The following PPFIBP1 variants were observed in gnomAD, a reference collection of about 807,000 sequenced individuals.
PPFIBP1 encodes liprin-beta-1.
PPFIBP1 carries 112 observed loss-of-function variants against 137.8 expected under a neutral mutation model. The ratio of observed to expected loss-of-function variants is 0.81; its 90% confidence interval spans 0.70 to 0.95. The LOEUF (loss-of-function observed/expected upper bound fraction) is 0.95, where lower values mean the gene tolerates loss of function less well. PPFIBP1 is among the 40% of genes least tolerant of loss of function. PPFIBP1 has a pLI of 0.00. For missense variants in PPFIBP1, 1,083 were observed against 1,196.6 expected, an observed-to-expected ratio of 0.91 and a Z score of 1.40; for synonymous variants, 378 against 417.3, an observed-to-expected ratio of 0.91 and a Z score of 1.15.
At chr12:27,631,921 A>T (rs1429534473) in intron 2 of PPFIBP1, among the ~76,000 whole-genome samples, 2 of 152,198 alleles carry the variant, frequency 1.3e-5, no homozygotes, top group Non-Finnish European at 2.9e-5. Context: ...ACACATATAT[A>T]AGTGGTTATT....
In PPFIBP1 at chr12:27,593,769, G is replaced by A. The variant is rs2052831564; in HGVS notation, c.-36+15530G>A. On this transcript the variant is annotated intron_variant, in intron 2 of 29. Transcript: ENST00000228425. ...GTCAGAGCCAACGTCCATGTCCCAG[G>A]CCAGGAAGATGTTCAGTTTGCAAAA... 7.8e-6 allele frequency: 6 copies of A among 772,490 alleles called. No individual in the cohort carries two copies. In the Admixed American group the frequency reaches 1.6e-4, roughly 20 times the overall value. The allele number at this position is 772,490 out of a possible 1,614,324, so 47.9% of individuals were successfully genotyped here. A position where few individuals can be genotyped will look rare whatever the true frequency, so the allele number is the denominator to read the frequency against.
intron 1 of PPFIBP1, among the ~76,000 whole-genome samples, chr12:27,534,363 T>TTTA (rs1944750892): frequency 6.6e-6 from 1 of 152,028 alleles, no homozygotes; most frequent in South Asian, 2.1e-4. Context: ...GATTTATCAG[T>TTTA]AGAGTAAGAA....
intron 1 of PPFIBP1, among the ~76,000 whole-genome samples, chr12:27,535,711 TA>T (rs1407738171): frequency 1.3e-4 from 20 of 152,224 alleles, no homozygotes; most frequent in African/African-American, 4.6e-4. Context: ...ATGCTGGCTT[TA>T]AATGAAAATA....
chr12:27,538,036 A>G (rs547053059), intron 1 of PPFIBP1: 99 of 152,164 alleles, frequency 6.5e-4, no homozygotes, highest in African/African-American at 2.3e-3. Context: ...TCGCCTGGCT[A>G]TTATTACCAC....
intron 1 of PPFIBP1, among the ~76,000 whole-genome samples, chr12:27,543,879 G>A (rs1215475973): frequency 1.8e-5 from 1 of 55,684 alleles, no homozygotes; most frequent in Non-Finnish European, 3.4e-5. Context: ...CCCCGCCCCT[G>A]CTTTTTTTTT....
chr12:27,599,351 C>T (rs2053696504), intron 2 of PPFIBP1: 2 of 416,686 alleles, frequency 4.8e-6, no homozygotes, highest in South Asian at 3.5e-5. Context: ...TGGAATCAGA[C>T]TGGCACTTAC....
At chr12:27,531,303 A>T (rs932258211) in intron 1 of PPFIBP1, among the ~76,000 whole-genome samples, 4 of 150,996 alleles carry the variant, frequency 2.6e-5, no homozygotes, top group East Asian at 1.9e-4. Context: ...AATTATTATT[A>T]TTTTTTTTTG....
At position 27,693,055 on chromosome 12, in the gene PPFIBP1, C is replaced by A; in HGVS notation, c.*173C>A. ...TAATGTGCCGATTCTGAAGTTGCCA[C>A]AAAAAATAAGACACTGGTGAATGAG... On this transcript the variant is annotated 3_prime_UTR_variant, in exon 30 of 30. Transcript: ENST00000228425. 2.9e-6 allele frequency: 3 copies of A among 1,021,510 alleles called. No homozygotes were observed. The highest frequency in any genetic ancestry group is 4.0e-6 in the Non-Finnish European group (3 of 746,142). The allele number at this position is 1,021,510 out of a possible 1,614,324, so 63.3% of individuals were successfully genotyped here. A position where few individuals can be genotyped will look rare whatever the true frequency, so the allele number is the denominator to read the frequency against.
chr12:27,680,037 C>T lies in PPFIBP1; in HGVS notation c.1871C>T (p.Ser624Phe), dbSNP rs369476664. The change falls in exon 21 of 30, where the codon TCT becomes TTT. Residue 624 changes from serine (S) to phenylalanine (F), a missense_variant. Transcript: ENST00000228425. The stretch of plus-strand genomic sequence containing the variant: ...ACCGCGGGGCCCCGATTAGGTTGGT[C>T]TCGAGACTTGGGACAGTCTAACAGG... Reference protein sequence around the residue: ...RATAGPRLGWSRDLGQSNSDL... With the variant: ...RATAGPRLGWFRDLGQSNSDL... The T allele has an allele frequency of 5.6e-6, 9 of 1,613,964 alleles. No individual in the cohort carries two copies. The African/African-American group carries it at 1.1e-4, about 19-fold the overall frequency.
Position 27,614,316 on chromosome 12 carries a change from C to T in PPFIBP1, c.-35-19046C>T, listed in dbSNP as rs750957576. 8.4e-4 allele frequency among the ~76,000 whole-genome samples: 128 copies of T among 152,082 alleles called. 2 individuals are homozygous for T. The highest frequency in any genetic ancestry group is 4.4e-4 in the Non-Finnish European group (30 of 68,002). Reference sequence around the variant, plus strand: ...ATCACTTAAGCCCAGGAGGTTGAGGCTGCAGTGAGCCGTGCGTGATTGGGC... The same window carrying T: ...ATCACTTAAGCCCAGGAGGTTGAGGTTGCAGTGAGCCGTGCGTGATTGGGC... On this transcript the variant is annotated intron_variant, in intron 2 of 29. Coordinates refer to ENST00000228425, the MANE Select transcript of PPFIBP1 (RefSeq NM_003622.4).
intron 1 of PPFIBP1, among the ~76,000 whole-genome samples, chr12:27,560,859 G>A (rs1263520108): frequency 6.6e-6 from 1 of 152,138 alleles, no homozygotes; most frequent in Admixed American, 6.5e-5. Flanking sequence ...AATATCCTAT[G>A]TACTAAACTT....
At chr12:27,630,095 T>C (rs2057155001) in intron 2 of PPFIBP1, among the ~76,000 whole-genome samples, 1 of 152,108 alleles carries the variant, frequency 6.6e-6, no homozygotes, top group South Asian at 2.1e-4. Flanking sequence ...GAGTTTTTTT[T>C]CCTACCTTAC....
At chr12:27,681,830 A>G in intron 22 of PPFIBP1, 134 bp downstream of exon 22, 1 of 951,790 alleles carries the variant, frequency 1.1e-6, no homozygotes, top group Non-Finnish European at 1.5e-6. Flanking sequence ...TTGGGTTTTC[A>G]ATTGCTTCAT....
chr12:27,626,746 A>T (rs148391617), intron 2 of PPFIBP1, among the ~76,000 whole-genome samples: 1 of 152,018 alleles, frequency 6.6e-6, no homozygotes, highest in Non-Finnish European at 1.5e-5. Flanking sequence ...TTTTATTTTT[A>T]GTAGAGGTGG....
chr12:27,619,461 T>A (rs2056119297), intron 2 of PPFIBP1, among the ~76,000 whole-genome samples: 1 of 152,234 alleles, frequency 6.6e-6, no homozygotes. Context: ...GAGGGCTGGC[T>A]GTATTTCATC....
intron 1 of PPFIBP1, among the ~76,000 whole-genome samples, chr12:27,535,150 T>C (rs1476974624): frequency 6.6e-6 from 1 of 152,204 alleles, no homozygotes; most frequent in Non-Finnish European, 1.5e-5. Context: ...TGAAAATGTG[T>C]GACCCCTTAT....
intron 26 of PPFIBP1, 93 bp from the exon 27 acceptor site, chr12:27,688,922 C>A (rs2061352963): frequency 7.9e-7 from 1 of 1,270,094 alleles, no homozygotes; most frequent in Admixed American, 2.3e-5. Flanking sequence ...TTGGAGATAA[C>A]CTAAGAGAAA....
At chr12:27,549,288 G>T (rs753979214) in intron 1 of PPFIBP1, 2 of 150,368 alleles carry the variant, frequency 1.3e-5, no homozygotes, top group Non-Finnish European at 3.0e-5. Context: ...GTGATGATCT[G>T]ATAGTAGAAA....
chr12:27,637,726 T>C (rs1270563747), intron 4 of PPFIBP1, among the ~76,000 whole-genome samples: 1 of 152,146 alleles, frequency 6.6e-6, no homozygotes, highest in Non-Finnish European at 1.5e-5. Flanking sequence ...CACAAAAGCA[T>C]AGGTGTGAAA....
Sources: gnomAD v4.1 joint callset for allele counts (sites outside exome capture counted in the v4.1 genomes callset) on GRCh38, gnomAD v4.1.1 for gene constraint, MANE v1.5 for transcripts, NCBI Gene and HGNC (gene_info 2026-07-23, HGNC 2026-07-21) for gene names.